CYP3A4: variants seen among roughly 807,000 people sequenced by gnomAD.
CYP3A4 encodes cytochrome P450 3A4.
Under a neutral mutation model 54.9 loss-of-function variants are expected in CYP3A4, and 41 were observed. That is an observed-to-expected ratio of 0.75 (90% CI 0.58 to 0.97). The LOEUF (loss-of-function observed/expected upper bound fraction) is 0.97. Among genes scored for constraint, CYP3A4 ranks in the 50% least tolerant of loss-of-function variants. The pLI is 0.00. For missense variants in CYP3A4, 510 were observed against 597.3 expected (o/e 0.85, Z 1.52); for synonymous variants, 179 against 205.2 (o/e 0.87, Z 1.09).
At chr7:99,762,503 G>C (rs887233741) in intron 10 of CYP3A4, among the ~76,000 whole-genome samples, 39 of 151,198 alleles carry the variant, frequency 2.6e-4, no homozygotes, top group South Asian at 1.3e-3. Flanking sequence ...CTCACCCCAG[G>C]GACTGAAATC....
chr7:99,758,956 A>G (rs904479673), intron 12 of CYP3A4, among the ~76,000 whole-genome samples: 2 of 152,190 alleles, frequency 1.3e-5, no homozygotes, highest in African/African-American at 4.8e-5. Flanking sequence ...AGGGGACACA[A>G]CAGAGTGATA....
intron 1 of CYP3A4, among the ~76,000 whole-genome samples, chr7:99,781,596 G>A (rs1305118964): frequency 1.3e-5 from 2 of 152,188 alleles, no homozygotes. Context: ...GGAGGAAGAA[G>A]AAAAGCTGAT....
At chr7:99,780,116 C>T (rs368725329) in intron 1 of CYP3A4, 31 bp from the exon 2 acceptor site, 38 of 1,588,776 alleles carry the variant, frequency 2.4e-5, no homozygotes, top group Non-Finnish European at 3.1e-5. Context: ...CAAGTCACAG[C>T]GATTGTGACT....
chr7:99,764,113 G>C (rs1815418852), intron 9 of CYP3A4, 98 bp from the exon 10 acceptor site: 14 of 1,566,956 alleles, frequency 8.9e-6, no homozygotes, highest in Admixed American at 8.6e-5. Flanking sequence ...AAATCCCTAA[G>C]GGAAAAGAAT....
intron 7 of CYP3A4, 147 bp downstream of exon 7, chr7:99,768,207 T>C: frequency 9.9e-7 from 1 of 1,008,314 alleles, no homozygotes; most frequent in Non-Finnish European, 1.4e-6. Context: ...AAGTTTAAAA[T>C]GATGATGGTC....
chr7:99,762,892 C>T (rs2687122), intron 10 of CYP3A4, among the ~76,000 whole-genome samples: 2 of 152,176 alleles, frequency 1.3e-5, no homozygotes, highest in Admixed American at 6.5e-5. Context: ...CACCTCACTG[C>T]CACAGCCGGG....
chr7:99,760,567 C>T (rs1815292636), intron 12 of CYP3A4, among the ~76,000 whole-genome samples: 1 of 152,194 alleles, frequency 6.6e-6, no homozygotes, highest in African/African-American at 2.4e-5. Context: ...GTAAACTTTG[C>T]TCAAGTTCAA....
At chr7:99,768,955 G>A (rs1815554615) in intron 6 of CYP3A4, among the ~76,000 whole-genome samples, 1 of 152,152 alleles carries the variant, frequency 6.6e-6, no homozygotes, top group Non-Finnish European at 1.5e-5. Context: ...CAAAGCAACA[G>A]TACCCTGTTC....
chr7:99,758,809 C>T (rs1815247351), intron 12 of CYP3A4, among the ~76,000 whole-genome samples: 1 of 152,176 alleles, frequency 6.6e-6, no homozygotes, highest in Non-Finnish European at 1.5e-5. Context: ...AAGACACCTT[C>T]AGGAAGCATT....
chr7:99,766,770 A>G (rs1330695375), intron 8 of CYP3A4: 1 of 386,862 alleles, frequency 2.6e-6, no homozygotes, highest in Non-Finnish European at 4.6e-6. Context: ...CCAATTTATG[A>G]TCTGGGGAAA....
intron 2 of CYP3A4, 81 bp downstream of exon 2, chr7:99,779,911 G>T: frequency 2.2e-6 from 3 of 1,333,488 alleles, no homozygotes; most frequent in Non-Finnish European, 3.2e-6. Context: ...CCTTCCCCCT[G>T]AGGAGAAGCA....
At chr7:99,780,569 C>A (rs1310540463) in intron 1 of CYP3A4, among the ~76,000 whole-genome samples, 1 of 152,158 alleles carries the variant, frequency 6.6e-6, no homozygotes, top group African/African-American at 2.4e-5. Context: ...TATGGTGACC[C>A]TGTCTTTAGA....
chr7:99,776,779 C>G (rs1815782507), intron 3 of CYP3A4, among the ~76,000 whole-genome samples: 1 of 151,976 alleles, frequency 6.6e-6, no homozygotes, highest in African/African-American at 2.4e-5. Context: ...CACCATGGCA[C>G]GTGTATACCT....
intron 3 of CYP3A4, among the ~76,000 whole-genome samples, chr7:99,775,807 A>G (rs1815755244): frequency 1.3e-5 from 2 of 152,234 alleles, no homozygotes; most frequent in African/African-American, 4.8e-5. Flanking sequence ...ATATAACACC[A>G]AAAGCAATGG....
chr7:99,763,082 A>T (rs763353301), intron 10 of CYP3A4, among the ~76,000 whole-genome samples: 3 of 152,310 alleles, frequency 2.0e-5, no homozygotes, highest in East Asian at 3.9e-4. Context: ...CTTCTTCACC[A>T]GTTACTGCCT....
At chr7:99,768,222 A>G in intron 7 of CYP3A4, 132 bp downstream of exon 7, 1 of 1,080,466 alleles carries the variant, frequency 9.3e-7, no homozygotes. Context: ...ATGGTCACAC[A>G]TATCTTCAAA....
In CYP3A4 at chr7:99,762,122, C is replaced by T; in HGVS notation, c.1172G>A (p.Gly391Glu). 2 of 1,613,990 alleles carry T rather than the reference C, an allele frequency of 1.2e-6. No homozygotes were observed. Among genetic ancestry groups the T allele is most frequent in the Non-Finnish European group, 1.7e-6 (2 of 1,179,978 alleles). ...ATAGCTTGGAATCATCACCACCACC[C>T]CTTTGGGAATGAACATCCCATTGAT... Reference protein sequence around the residue: ...VEINGMFIPKGVVVMIPSYAL... With the variant: ...VEINGMFIPKEVVVMIPSYAL... Residue 391 changes from glycine (G) to glutamate (E), a missense_variant, in exon 11 of 13, where the codon GGG becomes GAG. Physicochemically the swap from Gly to Glu is moderately conservative, Grantham distance 98. This residue lies in a region of CYP3A4 where 238 missense variants were observed against 322.5 expected (regional missense o/e 0.74). Transcript: ENST00000651514.
intron 10 of CYP3A4, among the ~76,000 whole-genome samples, 200 bp downstream of exon 10, chr7:99,763,655 G>A (rs1256635570): frequency 3.3e-5 from 5 of 152,296 alleles, no homozygotes; most frequent in African/African-American, 7.2e-5. Context: ...GAGCCAGCAC[G>A]TTTTACAAAG....
intron 1 of CYP3A4, among the ~76,000 whole-genome samples, chr7:99,783,096 C>T (rs1325182461): frequency 6.6e-6 from 1 of 152,158 alleles, no homozygotes; most frequent in Admixed American, 6.5e-5. Flanking sequence ...TGCCACAACT[C>T]ACTGAATTTC....
Sources: allele counts gnomAD v4.1 joint callset (sites outside exome capture counted in the v4.1 genomes callset), GRCh38; gene constraint gnomAD v4.1.1; regional missense constraint gnomAD v4.1.1; transcripts MANE v1.5; gene names NCBI Gene and HGNC (gene_info 2026-07-23, HGNC 2026-07-21).